PAPPA: variants seen among roughly 807,000 people sequenced by gnomAD.
PAPPA encodes the protein pappalysin 1.
Under a neutral mutation model 164.0 loss-of-function variants are expected in PAPPA, and 60 were observed. That is an observed-to-expected ratio of 0.37 (90% confidence interval 0.30 to 0.45). PAPPA has a LOEUF of 0.45. PAPPA is among the 20% of genes least tolerant of loss of function. The pLI is 1.00. For synonymous variants in PAPPA, 875 were observed against 814.1 expected (o/e 1.07, Z -1.27); for missense variants, 1,782 against 2,087.3 (o/e 0.85, Z 2.85).
chr9:116,319,391 G>A (rs1011022701), intron 10 of PAPPA, among the ~76,000 whole-genome samples: 12 of 152,350 alleles, frequency 7.9e-5, no homozygotes, highest in African/African-American at 2.4e-4. Context: ...TGTACTGTCT[G>A]CAGAACGGGG....
chr9:116,391,191 A>T (rs1846887948), intron 21 of PAPPA, among the ~76,000 whole-genome samples: 1 of 152,170 alleles, frequency 6.6e-6, no homozygotes, highest in African/African-American at 2.4e-5. Context: ...CATTTAAACA[A>T]GCTTCGTATA....
chr9:116,190,951 G>A (rs535978833), intron 2 of PAPPA, among the ~76,000 whole-genome samples: 2 of 152,020 alleles, frequency 1.3e-5, no homozygotes, highest in Non-Finnish European at 2.9e-5. Context: ...CAGCTCTCCT[G>A]TGTGCAGACA....
Position 116,396,516 on chromosome 9 carries a change from C to A in PAPPA, c.4784C>A (p.Pro1595Gln). 1 of 780,780 alleles carries A rather than the reference C, an allele frequency of 1.3e-6. No homozygotes were observed. Among genetic ancestry groups the A allele is most frequent in the Non-Finnish European group, 2.4e-6 (1 of 417,948 alleles). The allele number at this position is 780,780 out of a possible 1,614,324, so 48.4% of individuals were successfully genotyped here. Reference protein sequence around the residue: ...TSTVKTKKVTPFPMSCDLQGD... With the variant: ...TSTVKTKKVTQFPMSCDLQGD... ...CACTTCTTCTTTCTGCAGGTCACCC[C>A]ATTCCCTATGTCCTGTGATCTACAA... is the stretch of plus-strand genomic sequence containing the variant. The change falls in exon 22 of 22, where the codon CCA becomes CAA. Residue 1595 changes from proline to glutamine, a missense_variant. By Grantham distance (76) the Pro-to-Gln change is moderately conservative. Around this residue, in one of 2 missense-constraint regions of PAPPA, gnomAD observed 1,324 missense variants for 1,656.9 expected, o/e 0.80. Coordinates refer to ENST00000328252, the MANE Select transcript of PAPPA (RefSeq NM_002581.5).
intron 12 of PAPPA, among the ~76,000 whole-genome samples, chr9:116,334,129 T>A (rs1846028515): frequency 6.6e-6 from 1 of 151,984 alleles, no homozygotes; most frequent in Non-Finnish European, 1.5e-5. Context: ...CAACTTCTGT[T>A]TTGCTAATTC....
chr9:116,295,541 G>A (rs1319580912), intron 9 of PAPPA, among the ~76,000 whole-genome samples: 7 of 124,114 alleles, frequency 5.6e-5, no homozygotes, highest in Admixed American at 3.1e-4. Context: ...GCAACAGAGC[G>A]AGACTCGGTC....
At chr9:116,319,872 T>C (rs1845832408) in intron 10 of PAPPA, among the ~76,000 whole-genome samples, 1 of 152,220 alleles carries the variant, frequency 6.6e-6, no homozygotes, top group African/African-American at 2.4e-5. Flanking sequence ...GTTTGGAACA[T>C]AGGTGCTGGA....
intron 19 of PAPPA, among the ~76,000 whole-genome samples, chr9:116,375,007 C>T (rs533663306): frequency 5.9e-5 from 9 of 152,344 alleles, no homozygotes; most frequent in Admixed American, 1.3e-4. Flanking sequence ...TGGAAGGATA[C>T]AGAAGTGTCT....
rs931126534 is a variant in PAPPA at position 116,402,225 on chromosome 9, CAAATA to C, written c.*5611_*5615del. ...GATCTCAATTACAGGTTGGATCTCA[CAAATA>C]ATAATGTCAGAGACAGAAATATTTT... On this transcript the variant is annotated 3_prime_UTR_variant, in exon 22 of 22. Coordinates refer to ENST00000328252, the MANE Select transcript of PAPPA (RefSeq NM_002581.5). 2.6e-5 allele frequency: 4 copies of C among 152,548 alleles called. 1 individual carries two copies. The highest frequency in any genetic ancestry group is 5.9e-5 in the Non-Finnish European group (4 of 68,026). 9.4% of individuals were successfully genotyped at this position (152,548 alleles called of 1,614,324 possible). A position where few individuals can be genotyped will look rare whatever the true frequency, so the allele number is the denominator to read the frequency against.
At chr9:116,293,813 G>A (rs1448678186) in intron 9 of PAPPA, among the ~76,000 whole-genome samples, 5 of 152,174 alleles carry the variant, frequency 3.3e-5, no homozygotes, top group East Asian at 3.9e-4. Context: ...AAAATTCGCC[G>A]GCTTGGTGGC....
Position 116,331,309 on chromosome 9 carries a change from C to G in PAPPA, c.3213C>G (p.Thr1071=), listed in dbSNP as rs747989372. 5.6e-6 allele frequency: 9 copies of G among 1,613,816 alleles called. No individual in the cohort carries two copies. The highest frequency in any genetic ancestry group is 7.6e-6 in the Non-Finnish European group (9 of 1,179,818). The change falls in exon 11 of 22, where the codon ACC becomes ACG. Residue 1071 remains threonine (T), a synonymous_variant. Transcript: ENST00000328252. Reference sequence around the variant, plus strand: ...CCCAGCATGCCTGGTACCCTTGCACCATCAGCTACCCATATTCCCAGCTGG... The same window carrying G: ...CCCAGCATGCCTGGTACCCTTGCACGATCAGCTACCCATATTCCCAGCTGG... ...GISQHAWYPC[T]ISYPYSQLAQ... is the part of the protein sequence containing the mutation.
chr9:116,322,202 G>A (rs1350224133), intron 10 of PAPPA, among the ~76,000 whole-genome samples: 1 of 152,080 alleles, frequency 6.6e-6, no homozygotes, highest in East Asian at 1.9e-4. Flanking sequence ...CAAGGCAGGT[G>A]GATCACCTGA....
chr9:116,235,208 C>T lies in PAPPA; in HGVS notation c.2303C>T (p.Pro768Leu), dbSNP rs1369973047. 6.2e-7 allele frequency: 1 copy of T among 1,614,128 alleles called. No individual in the cohort carries two copies. The change falls in exon 7 of 22, where the codon CCA becomes CTA. Residue 768 changes from proline (P) to leucine (L), a missense_variant. By Grantham distance (98) the Pro-to-Leu change is moderately conservative. Around this residue, in one of 2 missense-constraint regions of PAPPA, gnomAD observed 1,324 missense variants for 1,656.9 expected, o/e 0.80. Transcript: ENST00000328252. ...TGGAGCCCAAATTCAGCTGTCAACC[C>T]ACACACGGTTCCTCCAGCCTGCCCT... is the stretch of plus-strand genomic sequence containing the variant. ...RTWSPNSAVN[P>L]HTVPPACPEP...
intron 17 of PAPPA, among the ~76,000 whole-genome samples, chr9:116,357,850 T>A (rs1288725344): frequency 1.3e-5 from 2 of 152,138 alleles, no homozygotes; most frequent in Middle Eastern, 3.2e-3. Context: ...GTGATGCACC[T>A]AATGATGGAT....
intron 9 of PAPPA, chr9:116,286,168 T>C (rs1168189030): frequency 1.3e-5 from 2 of 152,222 alleles, no homozygotes; most frequent in Admixed American, 6.5e-5. Context: ...GCTCAAATGC[T>C]GCCTTTCCTT....
intron 14 of PAPPA, among the ~76,000 whole-genome samples, chr9:116,345,597 G>T (rs1846197625): frequency 6.6e-6 from 1 of 152,200 alleles, no homozygotes; most frequent in Admixed American, 6.5e-5. Flanking sequence ...ACAACAGGGA[G>T]CTGTTGCAGG....
chr9:116,204,086 C>T (rs766025047), intron 2 of PAPPA, among the ~76,000 whole-genome samples: 1 of 152,114 alleles, frequency 6.6e-6, no homozygotes, highest in Non-Finnish European at 1.5e-5. Flanking sequence ...ATATGGGGGG[C>T]TCACATTTTC....
At position 116,172,408 on chromosome 9, in the gene PAPPA, A is replaced by T. The variant is rs577137579; in HGVS notation, c.416-14746A>T. On this transcript the variant is annotated intron_variant, in intron 1 of 21. Coordinates refer to ENST00000328252, the MANE Select transcript of PAPPA (RefSeq NM_002581.5). ...CACCACTATTAACATTTTGGAATGC[A>T]TAATTCCTTGTTGTGGAGTTTGACA... Among the ~76,000 whole-genome samples, 20 of 152,314 alleles carry T rather than the reference A, an allele frequency of 1.3e-4. 1 individual carries two copies. Among genetic ancestry groups the T allele is most frequent in the African/African-American group, 4.8e-4 (20 of 41,564 alleles).
intron 10 of PAPPA, among the ~76,000 whole-genome samples, chr9:116,328,059 G>A (rs1392004479): frequency 6.6e-6 from 1 of 152,210 alleles, no homozygotes; most frequent in Non-Finnish European, 1.5e-5. Flanking sequence ...AGAGGAAATA[G>A]TATTTAAGCA....
At chr9:116,205,218 G>C (rs1455468348) in intron 2 of PAPPA, among the ~76,000 whole-genome samples, 1 of 151,940 alleles carries the variant, frequency 6.6e-6, no homozygotes, top group Non-Finnish European at 1.5e-5. Flanking sequence ...CCATGAAGAG[G>C]CTCCCACATC....
Sources: allele counts gnomAD v4.1 joint callset (sites outside exome capture counted in the v4.1 genomes callset), GRCh38; gene constraint gnomAD v4.1.1; regional missense constraint gnomAD v4.1.1; transcripts MANE v1.5; gene names NCBI Gene and HGNC (gene_info 2026-07-23, HGNC 2026-07-21).